The following FLNB variants were observed in gnomAD, a reference collection of about 807,000 sequenced individuals.
The protein encoded by FLNB is filamin-B.
Under a neutral mutation model 250.6 loss-of-function variants are expected in FLNB, and 111 were observed. That is an observed-to-expected ratio of 0.44 (90% CI 0.38 to 0.52). The LOEUF is 0.52. Among genes scored for constraint, FLNB ranks in the 20% least tolerant of loss-of-function variants. The pLI is 0.00. For synonymous variants in FLNB, 1,302 were observed against 1,372.1 expected, an observed-to-expected ratio of 0.95 and a Z score of 1.13; for missense variants, 2,869 against 3,447.8, an observed-to-expected ratio of 0.83 and a Z score of 4.20.
rs190052683 is a variant in FLNB, at chr3:58,153,269, C to T, written c.6368-106C>T. 2.3e-3 allele frequency: 3,067 copies of T among 1,325,464 alleles called. 7 individuals are homozygous for T. The highest frequency in any genetic ancestry group is 2.9e-3 in the Non-Finnish European group (2,719 of 925,750). 82.1% of individuals were successfully genotyped at this position (1,325,464 alleles called of 1,614,324 possible). On this transcript the variant is annotated intron_variant, in intron 38 of 45. Coordinates refer to ENST00000295956, the MANE Select transcript of FLNB (RefSeq NM_001457.4). Reference sequence around the variant, plus strand: ...GGAAGCCTGGGCACCTCACGTCCACCGGGCTGCACACACCTTGCTCTCGGC... The same window carrying T: ...GGAAGCCTGGGCACCTCACGTCCACTGGGCTGCACACACCTTGCTCTCGGC...
Position 58,171,161 on chromosome 3 carries a change from AG to A in FLNB, c.*403del, listed in dbSNP as rs1303188270. 1 of 232,464 alleles carries A rather than the reference AG, an allele frequency of 4.3e-6. No individual in the cohort carries two copies. The highest frequency in any genetic ancestry group is 1.1e-4 in the East Asian group (1 of 8,930). 14.4% of individuals were successfully genotyped at this position (232,464 alleles called of 1,614,324 possible). On this transcript the variant is annotated 3_prime_UTR_variant, in exon 46 of 46. Coordinates refer to ENST00000295956, the MANE Select transcript of FLNB (RefSeq NM_001457.4). The surrounding 1 kb of genome is among the most constrained non-coding windows in gnomAD (Gnocchi z 5.5). ...GCTAGGGGAAGATGGGCAGAGAAAA[AG>A]GGGACACCTAGTTTGGTTGTCATTT...
At chr3:58,025,014 CTT>C (rs60873331) in intron 1 of FLNB, among the ~76,000 whole-genome samples, 85,072 of 134,438 alleles carry the variant, frequency 0.63, 27,497 homozygotes, top group South Asian at 0.82. Flanking sequence ...CCCAGCCTTC[CTT>C]TTTTTTTTTT....
intron 17 of FLNB, 87 bp downstream of exon 17, chr3:58,111,968 T>C: frequency 7.9e-7 from 1 of 1,260,498 alleles, no homozygotes; most frequent in Non-Finnish European, 1.2e-6. Context: ...AGGAACTTCA[T>C]CTCCACCAAC....
At chr3:58,050,585 C>T (rs1422958812) in intron 1 of FLNB, among the ~76,000 whole-genome samples, 3 of 152,184 alleles carry the variant, frequency 2.0e-5, no homozygotes, top group Non-Finnish European at 4.4e-5. Flanking sequence ...GGCAGTTCTG[C>T]CCAGCTGAAG....
At chr3:58,051,807 A>T (rs1293042216) in intron 1 of FLNB, among the ~76,000 whole-genome samples, 1 of 152,142 alleles carries the variant, frequency 6.6e-6, no homozygotes, top group Admixed American at 6.6e-5. Flanking sequence ...GACCAAGGTC[A>T]TATCCCCGGC....
At chr3:58,152,482 G>A (rs1398168353) in intron 38 of FLNB, among the ~76,000 whole-genome samples, 1 of 152,208 alleles carries the variant, frequency 6.6e-6, no homozygotes, top group Non-Finnish European at 1.5e-5. Context: ...GCTGGAGAAC[G>A]GAGGGAGCCA....
rs150522856 is a variant in FLNB, at chr3:58,146,873, G to A, written c.5608G>A (p.Asp1870Asn). 18 of 1,614,036 alleles carry A rather than the reference G, an allele frequency of 1.1e-5. No homozygotes were observed. The highest frequency in any genetic ancestry group is 1.4e-5 in the Non-Finnish European group (17 of 1,180,030). ...GPSKAEISCIDNKDGTCTVTY... is the reference protein window; with the variant it reads ...GPSKAEISCINNKDGTCTVTY... ...CTCAAAAGCAGAAATCAGCTGCATT[G>A]ACAATAAAGATGGGACATGCACAGT... Residue 1870 changes from aspartate to asparagine, a missense_variant, in exon 34 of 46, where the codon GAC becomes AAC. Asp to Asn is a conservative substitution (Grantham distance 23). Coordinates refer to ENST00000295956, the MANE Select transcript of FLNB (RefSeq NM_001457.4).
Position 58,136,743 on chromosome 3 carries a change from A to ATT in FLNB, c.4861+576_4861+577dup, listed in dbSNP as rs1411180386. Among the ~76,000 whole-genome samples, 3 of 75,202 alleles carry ATT rather than the reference A, an allele frequency of 4.0e-5. No homozygotes were observed. In the Admixed American group the frequency reaches 4.3e-4, roughly 11 times the overall value. 49.3% of individuals were successfully genotyped at this position (75,202 alleles called of 152,430 possible). ...ACACAACTATTGACTGTCACAGGCCATTCTTTTTTTTTTTTTTTTTTTTTT... is the reference window on the plus strand; with the variant it reads ...ACACAACTATTGACTGTCACAGGCCATTTTCTTTTTTTTTTTTTTTTTTTTTT... On this transcript the variant is annotated intron_variant, in intron 28 of 45. Transcript: ENST00000295956.
Position 58,100,373 on chromosome 3 carries a change from A to AATATATATATATATATATATAT in FLNB, c.1345+1477_1345+1478insATATATATATATATATATATAT, listed in dbSNP as rs1553696177. The stretch of plus-strand genomic sequence containing the variant: ...AATGATTTTACATATGTAAAAAAAA[A>AATATATATATATATATATATAT]ATATATATATATTTGCAGGGGCGCG... On this transcript the variant is annotated intron_variant, in intron 8 of 45. Transcript: ENST00000295956. Among the ~76,000 whole-genome samples, 316 of 104,298 alleles carry AATATATATATATATATATATAT rather than the reference A, an allele frequency of 3.0e-3. 3 individuals are homozygous for AATATATATATATATATATATAT. The highest frequency in any genetic ancestry group is 0.01 in the African/African-American group (228 of 21,900). 68.4% of individuals were successfully genotyped at this position (104,298 alleles called of 152,430 possible).
intron 11 of FLNB, among the ~76,000 whole-genome samples, chr3:58,105,731 C>G (rs992603636): frequency 6.6e-6 from 1 of 152,208 alleles, no homozygotes; most frequent in Non-Finnish European, 1.5e-5. Context: ...GCCGTTGTAG[C>G]CTGAAAGCAG....
At chr3:58,026,598 T>C (rs2097123948) in intron 1 of FLNB, among the ~76,000 whole-genome samples, 1 of 152,110 alleles carries the variant, frequency 6.6e-6, no homozygotes, top group African/African-American at 2.4e-5. Context: ...GGGACAGGAA[T>C]GGATATGGGA....
Position 58,119,021 on chromosome 3 carries a change from TTGA to T in FLNB, c.2863+36_2863+38del, listed in dbSNP as rs1400961118. 2.7e-6 allele frequency: 4 copies of T among 1,465,962 alleles called. No homozygotes were observed. The South Asian group carries it at 3.4e-5, about 12-fold the overall frequency. 90.8% of individuals were successfully genotyped at this position (1,465,962 alleles called of 1,614,324 possible). On this transcript the variant is annotated intron_variant, in intron 19 of 45. Coordinates refer to ENST00000295956, the MANE Select transcript of FLNB (RefSeq NM_001457.4). Reference sequence around the variant, plus strand: ...GCCTGAATGGAGAGCAGATGGGTTGTTGATGACCCCCCAACGTGGCTGCTGGTT... The same window carrying T: ...GCCTGAATGGAGAGCAGATGGGTTGTTGACCCCCCAACGTGGCTGCTGGTT...
chr3:58,149,715 C>T (rs183765613), intron 36 of FLNB, 135 bp from the exon 37 acceptor site: 14 of 1,141,216 alleles, frequency 1.2e-5, no homozygotes, highest in East Asian at 5.1e-5. Context: ...GCTTTGCAAA[C>T]GAGGCCGCCA....
At chr3:58,075,835 G>A (rs2097200950) in intron 1 of FLNB, among the ~76,000 whole-genome samples, 4 of 152,150 alleles carry the variant, frequency 2.6e-5, no homozygotes, top group Admixed American at 2.6e-4. Context: ...GGTAGAATGG[G>A]AGCTGGCTAT....
At chr3:58,086,357 T>C (rs766511795) in intron 4 of FLNB, among the ~76,000 whole-genome samples, 1 of 152,100 alleles carries the variant, frequency 6.6e-6, no homozygotes, top group Non-Finnish European at 1.5e-5. Context: ...CTGAGTGTTA[T>C]GTAAATCTTA....
intron 4 of FLNB, among the ~76,000 whole-genome samples, chr3:58,087,165 T>C (rs942323952): frequency 2.0e-5 from 3 of 152,112 alleles, no homozygotes; most frequent in Non-Finnish European, 4.4e-5. Context: ...CAAGGTGCTG[T>C]AAGAAATTCA....
intron 4 of FLNB, among the ~76,000 whole-genome samples, chr3:58,091,629 T>TA (rs11443677): frequency 0.71 from 107,668 of 150,942 alleles, 39,002 homozygotes; most frequent in East Asian, 0.94. Flanking sequence ...CATGATCCAT[T>TA]AAAAAAAAAT....
At chr3:58,010,470 T>A (rs907486972) in intron 1 of FLNB, among the ~76,000 whole-genome samples, 5 of 151,650 alleles carry the variant, frequency 3.3e-5, no homozygotes, top group Non-Finnish European at 4.4e-5. Context: ...TCCCCAAGGG[T>A]GGCTTCCCTG....
rs555778620 is a variant in FLNB at position 58,055,539 on chromosome 3, C to A, written c.293-21507C>A. On this transcript the variant is annotated intron_variant, in intron 1 of 45. Transcript: ENST00000295956. ...GTCTCATTTGACAAATGAGGAACTA[C>A]AAATGGGAACAGTTTAAGATGAGAT... Among the ~76,000 whole-genome samples, 11 of 152,272 alleles carry A rather than the reference C, an allele frequency of 7.2e-5. 1 individual carries two copies. Among genetic ancestry groups the A allele is most frequent in the African/African-American group, 2.6e-4 (11 of 41,548 alleles).
Sources: allele counts gnomAD v4.1 joint callset (sites outside exome capture counted in the v4.1 genomes callset), GRCh38; gene constraint gnomAD v4.1.1; non-coding constraint Gnocchi (gnomAD v3.1); transcripts MANE v1.5; gene names NCBI Gene and HGNC (gene_info 2026-07-23, HGNC 2026-07-21).